LPXN: variants seen among roughly 807,000 people sequenced by gnomAD.
The protein encoded by LPXN is leupaxin.
In LPXN, 28 loss-of-function variants were observed where a neutral mutation model predicts 45.6. The ratio of observed to expected loss-of-function variants is 0.61; its 90% CI spans 0.45 to 0.84. The LOEUF (loss-of-function observed/expected upper bound fraction) is 0.84. LPXN is among the 40% of genes least tolerant of loss of function. The probability of loss-of-function intolerance (pLI) is 0.00; values close to 1 mark genes in which losing one functional copy is unlikely to be tolerated. For missense variants in LPXN, 459 were observed against 475.0 expected, an observed-to-expected ratio of 0.97 and a Z score of 0.31; for synonymous variants, 166 against 169.9, an observed-to-expected ratio of 0.98 and a Z score of 0.18.
At chr11:58,546,570 C>T (rs1018762987) in intron 7 of LPXN, among the ~76,000 whole-genome samples, 1 of 152,130 alleles carries the variant, frequency 6.6e-6, no homozygotes, top group Non-Finnish European at 1.5e-5. Flanking sequence ...ATTGACTCAA[C>T]AGAAAAGACC....
At chr11:58,532,811 T>C (rs2120194798) in intron 7 of LPXN, among the ~76,000 whole-genome samples, 1 of 152,332 alleles carries the variant, frequency 6.6e-6, no homozygotes, top group South Asian at 2.1e-4. Flanking sequence ...GCAACCCACT[T>C]GGGTCCCCTT....
At chr11:58,574,653 C>A (rs914015874) in intron 1 of LPXN, among the ~76,000 whole-genome samples, 1 of 152,126 alleles carries the variant, frequency 6.6e-6, no homozygotes, top group African/African-American at 2.4e-5. Context: ...CCAGCACTCA[C>A]GTAGGATAAG....
chr11:58,578,842 A>AG (rs977722119), upstream of LPXN, among the ~76,000 whole-genome samples: 3 of 150,846 alleles, frequency 2.0e-5, no homozygotes, highest in Admixed American at 6.6e-5. Flanking sequence ...TGAAGTCTGG[A>AG]GGGGGGAAAA....
chr11:58,536,285 C>A (rs1416250169), intron 7 of LPXN, among the ~76,000 whole-genome samples: 1 of 152,172 alleles, frequency 6.6e-6, no homozygotes, highest in Admixed American at 6.5e-5. Flanking sequence ...GTAACAAAAA[C>A]AGCATGGTAC....
In LPXN at chr11:58,570,711, C is replaced by T. The variant is rs1214329253; in HGVS notation, c.16G>A (p.Ala6Thr). 8 of 1,604,418 alleles carry T rather than the reference C, an allele frequency of 5.0e-6. No homozygotes were observed. The South Asian group carries it at 8.9e-5, about 18-fold the overall frequency. Residue 6 changes from alanine (A) to threonine (T), a missense_variant and splice_region_variant, in exon 2 of 9, where the codon GCC (alanine) becomes ACC (threonine). Physicochemically the swap from Ala to Thr is moderately conservative, Grantham distance 58 (BLOSUM62 0). Transcript: ENST00000395074. ...GAGCGTTCCAGTTCCTCCAATAAGG[C>T]ATCTACACCATAAGAAGCAAGAGAA... The part of the protein sequence containing the change: MEELD[A>T]LLEELERSTL...
chr11:58,572,152 A>G (rs888031834), intron 1 of LPXN, among the ~76,000 whole-genome samples: 3 of 152,140 alleles, frequency 2.0e-5, no homozygotes, highest in African/African-American at 4.8e-5. Flanking sequence ...CATTATTTCT[A>G]AGGACCTGCC....
At chr11:58,568,025 C>T (rs1328994302) in intron 2 of LPXN, among the ~76,000 whole-genome samples, 1 of 152,184 alleles carries the variant, frequency 6.6e-6, no homozygotes, top group East Asian at 1.9e-4. Context: ...CTCCCATTTT[C>T]TACTGACTCT....
chr11:58,576,871 A>C (rs941376813), upstream of LPXN, among the ~76,000 whole-genome samples: 5 of 152,166 alleles, frequency 3.3e-5, no homozygotes, highest in Non-Finnish European at 7.3e-5. Context: ...CGAACTCCTG[A>C]ACTCAAGCGA....
At chr11:58,570,290 G>C in intron 2 of LPXN, among the ~76,000 whole-genome samples, 1 of 148,878 alleles carries the variant, frequency 6.7e-6, no homozygotes. Context: ...GAGACAGAGT[G>C]TGACTCTGTC....
intron 2 of LPXN, among the ~76,000 whole-genome samples, chr11:58,567,949 C>T (rs892518576): frequency 6.6e-6 from 1 of 152,158 alleles, no homozygotes; most frequent in East Asian, 1.9e-4. Context: ...TTACACTATA[C>T]TCTATGGCAA....
intron 4 of LPXN, among the ~76,000 whole-genome samples, chr11:58,552,098 G>A (rs1006631640): frequency 1.3e-5 from 2 of 152,170 alleles, no homozygotes; most frequent in Non-Finnish European, 2.9e-5. Flanking sequence ...TCAAGCACAG[G>A]AGTGAAGGAA....
intron 3 of LPXN, among the ~76,000 whole-genome samples, chr11:58,558,539 T>A: frequency 3.3e-5 from 1 of 29,870 alleles, no homozygotes; most frequent in Non-Finnish European, 5.6e-5. Flanking sequence ...TGAGACCCTG[T>A]CAAAAAAAAA....
At chr11:58,577,440 T>C (rs918533064), upstream of LPXN, among the ~76,000 whole-genome samples, 19 of 152,322 alleles carry the variant, frequency 1.2e-4, no homozygotes, top group South Asian at 2.9e-3. Flanking sequence ...TAATGTGAAA[T>C]TTAAAATTGG....
intron 1 of LPXN, among the ~76,000 whole-genome samples, chr11:58,571,663 CT>C (rs549063326): frequency 0.011 from 1,486 of 132,850 alleles, 20 homozygotes; most frequent in African/African-American, 0.034. Flanking sequence ...AGTTTTTTTT[CT>C]TTTTTTTTTT....
intron 2 of LPXN, among the ~76,000 whole-genome samples, chr11:58,567,610 T>C (rs911606083): frequency 3.9e-5 from 6 of 152,250 alleles, no homozygotes; most frequent in African/African-American, 1.4e-4. Flanking sequence ...AGCTGCCGTG[T>C]TGAAGTCATT....
chr11:58,562,848 C>T (rs1249521368), intron 3 of LPXN, among the ~76,000 whole-genome samples: 1 of 152,080 alleles, frequency 6.6e-6, no homozygotes, highest in Non-Finnish European at 1.5e-5. Flanking sequence ...TGCTTTTTAC[C>T]CTGCAGTCTT....
intron 5 of LPXN, 63 bp from the exon 6 acceptor site, chr11:58,550,209 C>A: frequency 1.3e-6 from 2 of 1,508,466 alleles, no homozygotes; most frequent in Non-Finnish European, 1.8e-6. Context: ...CTACAGGTTG[C>A]ACAACTCTAG....
upstream of LPXN, among the ~76,000 whole-genome samples, chr11:58,576,545 T>A (rs952869696): frequency 6.6e-6 from 1 of 152,220 alleles, no homozygotes; most frequent in East Asian, 1.9e-4. Context: ...ACTCTTCACC[T>A]TTTTTACCAC....
chr11:58,550,875 G>A (rs1854027860), intron 5 of LPXN, among the ~76,000 whole-genome samples, 190 bp downstream of exon 5: 1 of 152,206 alleles, frequency 6.6e-6, no homozygotes, highest in Non-Finnish European at 1.5e-5. Context: ...CATTCTTCTT[G>A]AAGGGCTGAT....
Sources: gnomAD v4.1 joint callset for allele counts (sites outside exome capture counted in the v4.1 genomes callset) on GRCh38, gnomAD v4.1.1 for gene constraint, MANE v1.5 for transcripts, NCBI Gene and HGNC (gene_info 2026-07-23, HGNC 2026-07-21) for gene names.